Variants in PPP1R2 observed in about 807,000 individuals in gnomAD.
The protein encoded by PPP1R2 is protein phosphatase 1 regulatory inhibitor subunit 2.
Under a neutral mutation model 29.9 loss-of-function variants are expected in PPP1R2, and 16 were observed. The ratio of observed to expected loss-of-function variants is 0.53; its 90% CI spans 0.36 to 0.81. The LOEUF (loss-of-function observed/expected upper bound fraction) is 0.81, where lower values mean the gene tolerates loss of function less well. Among genes scored for constraint, PPP1R2 ranks in the 30% least tolerant of loss-of-function variants. PPP1R2 has a pLI of 0.00. For missense variants in PPP1R2, 197 were observed against 252.7 expected (o/e 0.78, Z 1.49); for synonymous variants, 76 against 91.5 (o/e 0.83, Z 0.96).
chr3:195,542,795 C>T, intron 1 of PPP1R2, 109 bp downstream of exon 1: 3 of 1,340,504 alleles, frequency 2.2e-6, no homozygotes, highest in South Asian at 3.2e-5. Context: ...AGAAGAGACT[C>T]GAGCGGCACC....
At chr3:195,523,073 C>T (rs950068946) in intron 4 of PPP1R2, 3 of 152,552 alleles carry the variant, frequency 2.0e-5, no homozygotes, top group African/African-American at 7.2e-5. Context: ...CCTTTTCTCC[C>T]AGCCTCCACG....
intron 2 of PPP1R2, among the ~76,000 whole-genome samples, chr3:195,526,618 TTTTC>T (rs1718980709): frequency 6.6e-6 from 1 of 152,050 alleles, no homozygotes; most frequent in Non-Finnish European, 1.5e-5. Flanking sequence ...CTGAAATTTT[TTTTC>T]TTTTTCTTTA....
At chr3:195,542,810 C>A (rs1719645474) in intron 1 of PPP1R2, 94 bp downstream of exon 1, 2 of 1,405,510 alleles carry the variant, frequency 1.4e-6, no homozygotes, top group Non-Finnish European at 1.9e-6. Flanking sequence ...GGCACCCGAG[C>A]CGCATCCACG....
intron 1 of PPP1R2, among the ~76,000 whole-genome samples, chr3:195,537,150 T>C (rs1035209180): frequency 2.2e-4 from 33 of 151,958 alleles, no homozygotes; most frequent in African/African-American, 7.7e-4. Flanking sequence ...GTACATACAG[T>C]ATATATACAA....
At chr3:195,522,014 TACA>T (rs1232324119) in intron 4 of PPP1R2, among the ~76,000 whole-genome samples, 3 of 152,238 alleles carry the variant, frequency 2.0e-5, no homozygotes, top group East Asian at 1.9e-4. Context: ...TTTATATGAA[TACA>T]ACAAGTGAAT....
intron 1 of PPP1R2, among the ~76,000 whole-genome samples, chr3:195,531,058 C>T (rs1056038412): frequency 4.0e-5 from 6 of 150,948 alleles, no homozygotes; most frequent in African/African-American, 9.8e-5. Context: ...CCTGACCTTA[C>T]GTGATCTGCC....
At chr3:195,519,980 T>C (rs1389453402) in intron 4 of PPP1R2, among the ~76,000 whole-genome samples, 1 of 151,848 alleles carries the variant, frequency 6.6e-6, no homozygotes, top group Non-Finnish European at 1.5e-5. Context: ...ATTTTACCAA[T>C]GAACAGCATT....
At chr3:195,517,049 A>G in intron 5 of PPP1R2, 107 bp from the exon 6 acceptor site, 2 of 869,184 alleles carry the variant, frequency 2.3e-6, no homozygotes, top group Non-Finnish European at 3.7e-6. Flanking sequence ...AAATTTTAAA[A>G]ACAAATAAGG....
intron 5 of PPP1R2, among the ~76,000 whole-genome samples, chr3:195,518,774 G>A (rs765312936): frequency 6.6e-6 from 1 of 151,934 alleles, no homozygotes; most frequent in Non-Finnish European, 1.5e-5. Flanking sequence ...CTTGCCTAAA[G>A]GCAAGTAAAC....
At chr3:195,519,870 T>C (rs1718684815) in intron 4 of PPP1R2, among the ~76,000 whole-genome samples, 1 of 151,414 alleles carries the variant, frequency 6.6e-6, no homozygotes, top group African/African-American at 2.4e-5. Flanking sequence ...AGCAACTATT[T>C]ATGAATACAT....
At chr3:195,521,653 C>G (rs942901740) in intron 4 of PPP1R2, among the ~76,000 whole-genome samples, 1 of 151,686 alleles carries the variant, frequency 6.6e-6, no homozygotes, top group Non-Finnish European at 1.5e-5. Context: ...TATTTATGTA[C>G]TTATTTATTT....
chr3:195,540,258 G>A (rs890378353), intron 1 of PPP1R2, among the ~76,000 whole-genome samples: 6 of 152,158 alleles, frequency 3.9e-5, no homozygotes, highest in African/African-American at 1.4e-4. Flanking sequence ...GGTCAAACAA[G>A]GCGACGCTCT....
At chr3:195,517,433 G>C (rs75940127) in intron 5 of PPP1R2, among the ~76,000 whole-genome samples, 7,946 of 151,994 alleles carry the variant, frequency 0.052, 302 homozygotes, top group South Asian at 0.17. Flanking sequence ...AAAAGGGTAG[G>C]GGGTAAATAA....
At position 195,542,546 on chromosome 3, in the gene PPP1R2, T is replaced by A. The variant is rs542715836; in HGVS notation, c.122+358A>T. ...GGGTTCCCAAAGCAAGAAAATACAC[T>A]GTAATTATCGAAGAATTTTAGATAC... On this transcript the variant is annotated intron_variant, in intron 1 of 5. Transcript: ENST00000618156. 2.0e-5 allele frequency among the ~76,000 whole-genome samples: 3 copies of A among 152,298 alleles called. No individual in the cohort carries two copies. In the East Asian group the frequency reaches 5.8e-4, roughly 29 times the overall value.
At chr3:195,522,039 T>C (rs1718781902) in intron 4 of PPP1R2, among the ~76,000 whole-genome samples, 1 of 152,240 alleles carries the variant, frequency 6.6e-6, no homozygotes, top group African/African-American at 2.4e-5. Flanking sequence ...ATTCTTTTTA[T>C]ACCTACTTTT....
intron 1 of PPP1R2, among the ~76,000 whole-genome samples, chr3:195,531,271 T>A (rs933717408): frequency 2.6e-5 from 4 of 152,240 alleles, no homozygotes; most frequent in Non-Finnish European, 5.9e-5. Flanking sequence ...CCAACATTAT[T>A]TTGTTACATA....
At chr3:195,531,944 G>A (rs2686447) in intron 1 of PPP1R2, among the ~76,000 whole-genome samples, 57,890 of 152,028 alleles carry the variant, frequency 0.38, 11,495 homozygotes, top group Non-Finnish European at 0.42. Context: ...TCGCAGAAGC[G>A]AAATCATGAA....
intron 1 of PPP1R2, among the ~76,000 whole-genome samples, chr3:195,532,633 T>C (rs1379880258): frequency 6.6e-6 from 1 of 152,170 alleles, no homozygotes; most frequent in Non-Finnish European, 1.5e-5. Flanking sequence ...AAATCTTCTC[T>C]TGGACTCTAT....
chr3:195,541,107 A>T (rs1719575939), intron 1 of PPP1R2, among the ~76,000 whole-genome samples: 1 of 152,210 alleles, frequency 6.6e-6, no homozygotes, highest in African/African-American at 2.4e-5. Context: ...TGCCACAGAT[A>T]CTACAGAAGA....
Sources: allele counts gnomAD v4.1 joint callset (sites outside exome capture counted in the v4.1 genomes callset), GRCh38; gene constraint gnomAD v4.1.1; transcripts MANE v1.5; gene names NCBI Gene and HGNC (gene_info 2026-07-23, HGNC 2026-07-21).